The following HDAC9 variants were observed in gnomAD, a reference collection of about 807,000 sequenced individuals.
HDAC9 encodes MEF-2 interacting transcription repressor (MITR) protein.
In HDAC9, 41 loss-of-function variants were observed where a neutral mutation model predicts 139.4. The observed-to-expected ratio is 0.29, with a 90% CI of 0.23 to 0.38. The LOEUF (loss-of-function observed/expected upper bound fraction) is 0.38, where lower values mean the gene tolerates loss of function less well. Among genes scored for constraint, HDAC9 ranks in the 10% least tolerant of loss-of-function variants. The pLI is 1.00. For missense variants in HDAC9, 1,147 were observed against 1,297.0 expected (o/e 0.88, Z 1.78); for synonymous variants, 517 against 476.2 (o/e 1.09, Z -1.12).
At chr7:18,736,759 A>G (rs1419074960) in intron 13 of HDAC9, among the ~76,000 whole-genome samples, 1 of 152,224 alleles carries the variant, frequency 6.6e-6, no homozygotes. Flanking sequence ...AAAATCAGTT[A>G]CGGAGAATTC....
At chr7:18,568,497 A>G (rs1333007659) in intron 2 of HDAC9, among the ~76,000 whole-genome samples, 1 of 152,208 alleles carries the variant, frequency 6.6e-6, no homozygotes, top group Non-Finnish European at 1.5e-5. Flanking sequence ...AAGTGCCATC[A>G]TTCTTATTTA....
At chr7:18,193,447 C>T (rs1218377152) in intron 2 of HDAC9, among the ~76,000 whole-genome samples, 1 of 152,096 alleles carries the variant, frequency 6.6e-6, no homozygotes, top group Non-Finnish European at 1.5e-5. Context: ...TATTCTCTCC[C>T]TTTGCTTGTG....
chr7:18,701,180 G>GT (rs1347800258), intron 12 of HDAC9, among the ~76,000 whole-genome samples: 2 of 151,046 alleles, frequency 1.3e-5, no homozygotes, highest in African/African-American at 2.4e-5. Context: ...CCACTGTGAG[G>GT]TTTTTTTCCT....
At chr7:18,449,419 A>G (rs190661092) in intron 1 of HDAC9, among the ~76,000 whole-genome samples, 15 of 152,310 alleles carry the variant, frequency 9.8e-5, no homozygotes, top group African/African-American at 3.6e-4. Flanking sequence ...AATATGGTCA[A>G]AACTAACATG....
At chr7:18,913,537 G>C (rs1212300058) in intron 22 of HDAC9, among the ~76,000 whole-genome samples, 1 of 151,926 alleles carries the variant, frequency 6.6e-6, no homozygotes, top group Non-Finnish European at 1.5e-5. Flanking sequence ...TTTTCTTTCT[G>C]TTTCCTTTGG....
chr7:18,284,792 C>T (rs140004618), intron 2 of HDAC9, among the ~76,000 whole-genome samples: 1 of 152,080 alleles, frequency 6.6e-6, no homozygotes, highest in Non-Finnish European at 1.5e-5. Context: ...CTTTCTTCTT[C>T]ATTTGATTTA....
chr7:18,385,763 T>C (rs1456465741), intron 1 of HDAC9, among the ~76,000 whole-genome samples: 2 of 152,216 alleles, frequency 1.3e-5, no homozygotes, highest in African/African-American at 4.8e-5. Flanking sequence ...TGAATCTTTT[T>C]ATTTTTAAAT....
intron 2 of HDAC9, among the ~76,000 whole-genome samples, chr7:18,185,679 T>G (rs1385497637): frequency 6.6e-6 from 1 of 152,176 alleles, no homozygotes; most frequent in Non-Finnish European, 1.5e-5. Context: ...GATTATTAAA[T>G]CTCAGCTATG....
At chr7:18,699,406 G>A (rs1004672803) in intron 12 of HDAC9, among the ~76,000 whole-genome samples, 10 of 151,888 alleles carry the variant, frequency 6.6e-5, no homozygotes, top group Non-Finnish European at 1.3e-4. Flanking sequence ...GTGTGTGTAC[G>A]TGTGTGTCGA....
intron 1 of HDAC9, among the ~76,000 whole-genome samples, chr7:18,112,825 C>T (rs1040625630): frequency 5.9e-5 from 9 of 152,078 alleles, no homozygotes; most frequent in African/African-American, 7.2e-5. Context: ...GCAGGTCACA[C>T]GTACTTTTTT....
intron 1 of HDAC9, among the ~76,000 whole-genome samples, chr7:18,425,273 G>A (rs1159436590): frequency 6.6e-6 from 1 of 152,132 alleles, no homozygotes; most frequent in Middle Eastern, 3.2e-3. Context: ...CATCCAAGTA[G>A]ATATAGAAAT....
intron 2 of HDAC9, among the ~76,000 whole-genome samples, chr7:18,246,521 C>G (rs1166175975): frequency 6.6e-6 from 1 of 152,068 alleles, no homozygotes; most frequent in African/African-American, 2.4e-5. Context: ...CCCATTCCCA[C>G]CTTCCTCAGA....
At chr7:18,954,256 A>G in intron 24 of HDAC9, 26 bp downstream of exon 24, 1 of 1,311,246 alleles carries the variant, frequency 7.6e-7, no homozygotes, top group Non-Finnish European at 1.1e-6. Context: ...TCTCTTAAAA[A>G]TTCTAAGCAG....
chr7:18,178,600 C>A (rs1285958332), intron 2 of HDAC9, among the ~76,000 whole-genome samples: 2 of 152,148 alleles, frequency 1.3e-5, no homozygotes. Context: ...TGCTTATAAA[C>A]CACCTCTCTC....
intron 2 of HDAC9, among the ~76,000 whole-genome samples, chr7:18,230,374 G>A (rs1390154664): frequency 2.6e-5 from 4 of 152,192 alleles, no homozygotes; most frequent in South Asian, 4.1e-4. Context: ...CACATGTTAC[G>A]TGCCCACGAA....
intron 16 of HDAC9, among the ~76,000 whole-genome samples, chr7:18,782,194 A>C (rs1378889882): frequency 1.3e-5 from 2 of 152,078 alleles, no homozygotes; most frequent in Admixed American, 6.6e-5. Context: ...TCATTTCCCA[A>C]CTTTCAGGGT....
At chr7:18,567,373 T>A (rs1822712604) in intron 2 of HDAC9, among the ~76,000 whole-genome samples, 1 of 152,230 alleles carries the variant, frequency 6.6e-6, no homozygotes, top group Non-Finnish European at 1.5e-5. Context: ...TGTTTGTTGT[T>A]CTCTCATTTC....
intron 6 of HDAC9, 65 bp from the exon 7 acceptor site, chr7:18,629,285 A>AT: frequency 7.2e-7 from 1 of 1,393,432 alleles, no homozygotes; most frequent in Non-Finnish European, 9.5e-7. Context: ...TTTTTAACAC[A>AT]TGAGCAATTG....
At chr7:18,901,772 A>G (rs1301560194) in intron 22 of HDAC9, among the ~76,000 whole-genome samples, 2 of 152,144 alleles carry the variant, frequency 1.3e-5, no homozygotes, top group Admixed American at 6.5e-5. Context: ...AGTTGTTTCC[A>G]TATATCAGTC....
Sources: allele counts gnomAD v4.1 joint callset (sites outside exome capture counted in the v4.1 genomes callset), GRCh38; gene constraint gnomAD v4.1.1; transcripts MANE v1.5; gene names NCBI Gene and HGNC (gene_info 2026-07-23, HGNC 2026-07-21).